The following EIF2A variants were observed in gnomAD, a reference collection of about 807,000 sequenced individuals.
EIF2A encodes 65 kDa eukaryotic translation initiation factor 2A.
In EIF2A, 62 loss-of-function variants were observed where a neutral mutation model predicts 75.2. That is an observed-to-expected ratio of 0.82 (90% confidence interval 0.67 to 1.02). EIF2A has a LOEUF of 1.02. Ranked by LOEUF, EIF2A falls within the 50% of genes least tolerant of loss-of-function variation. EIF2A has a pLI of 0.00. For missense variants in EIF2A, 611 were observed against 677.7 expected (o/e 0.90, Z 1.09); for synonymous variants, 207 against 239.0 (o/e 0.87, Z 1.23).
chr3:150,580,004 T>C (rs1559886677), intron 11 of EIF2A, among the ~76,000 whole-genome samples: 1 of 152,140 alleles, frequency 6.6e-6, no homozygotes, highest in Non-Finnish European at 1.5e-5. Context: ...GTCATAATTA[T>C]AAAGGAAGAG....
rs1209598834 is a variant in EIF2A at position 150,585,219 on chromosome 3, T to C, written c.*1308T>C. Among the ~76,000 whole-genome samples the C allele has an allele frequency of 6.6e-6, 1 of 152,134 alleles. No individual in the cohort carries two copies. Among genetic ancestry groups the C allele is most frequent in the Non-Finnish European group, 1.5e-5 (1 of 68,008 alleles). ...TATACTCACCATAGTGGTTCTGTAC[T>C]CCCTTAAAATATTCTGGAGGCCAGG... On this transcript the variant is annotated 3_prime_UTR_variant, in exon 14 of 14. Coordinates refer to ENST00000460851, the MANE Select transcript of EIF2A (RefSeq NM_032025.5).
rs775350419 is a variant in EIF2A, at chr3:150,572,071, G to T, written c.925G>T (p.Val309Leu). 1.3e-5 allele frequency: 21 copies of T among 1,613,806 alleles called. No individual in the cohort carries two copies. Among genetic ancestry groups the T allele is most frequent in the Non-Finnish European group, 1.8e-5 (21 of 1,179,910 alleles). The change falls in exon 10 of 14, where the codon GTA (valine) becomes TTA (leucine). Residue 309 changes from valine to leucine, a missense_variant. Val to Leu is a conservative substitution (Grantham distance 32). Coordinates refer to ENST00000460851, the MANE Select transcript of EIF2A (RefSeq NM_032025.5). ...ATIFNLKCDPVFDFGTGPRNA... is the reference protein window; with the variant it reads ...ATIFNLKCDPLFDFGTGPRNA... ...AATTTTCAACTTGAAATGTGATCCT[G>T]TATTTGACTTTGGAACTGGTCCTCG...
intron 3 of EIF2A, 109 bp from the exon 4 acceptor site, chr3:150,562,433 G>T: frequency 5.2e-6 from 4 of 776,300 alleles, no homozygotes; most frequent in Non-Finnish European, 7.7e-6. Flanking sequence ...AAAAAAAAAA[G>T]TCAACATTTT....
rs1725439144 is a variant in EIF2A at position 150,585,675 on chromosome 3, A to C, written c.*1764A>C. On this transcript the variant is annotated 3_prime_UTR_variant, in exon 14 of 14. Transcript: ENST00000460851. Reference sequence around the variant, plus strand: ...AATACATAATGCCTAATACATAACTAATATATGGACAGGAAGTTAATAGAC... The same window carrying C: ...AATACATAATGCCTAATACATAACTCATATATGGACAGGAAGTTAATAGAC... Among the ~76,000 whole-genome samples the C allele has an allele frequency of 6.6e-6, 1 of 152,214 alleles. No individual in the cohort carries two copies. Among genetic ancestry groups the C allele is most frequent in the Non-Finnish European group, 1.5e-5 (1 of 68,038 alleles).
intron 3 of EIF2A, among the ~76,000 whole-genome samples, chr3:150,560,716 C>CTTTTTTTTTTTTTTTT (rs71138455): frequency 1.7e-5 from 2 of 120,680 alleles, no homozygotes; most frequent in African/African-American, 3.0e-5. Context: ...GATGGAGAGT[C>CTTTTTTTTTTTTTTTT]TTTTTTTTTT....
At chr3:150,568,152 T>C in intron 8 of EIF2A, 24 bp from the exon 9 acceptor site, 1 of 1,605,716 alleles carries the variant, frequency 6.2e-7, no homozygotes. Flanking sequence ...GTTTTAAATC[T>C]AATTAAAGTT....
intron 2 of EIF2A, among the ~76,000 whole-genome samples, chr3:150,554,392 G>A (rs114992292): frequency 1.3e-5 from 2 of 152,230 alleles, no homozygotes; most frequent in East Asian, 1.9e-4. Flanking sequence ...TTTTATAGAC[G>A]AATTCCAGTT....
At chr3:150,559,613 C>T (rs1723745293) in intron 3 of EIF2A, among the ~76,000 whole-genome samples, 1 of 151,410 alleles carries the variant, frequency 6.6e-6, no homozygotes, top group African/African-American at 2.4e-5. Context: ...GCCTCAGCCT[C>T]CCCAGTAGCT....
intron 9 of EIF2A, among the ~76,000 whole-genome samples, chr3:150,571,661 C>G (rs562855463): frequency 1.3e-5 from 2 of 152,118 alleles, no homozygotes; most frequent in Middle Eastern, 3.4e-3. Context: ...TTTTGATTAC[C>G]ATCTGCACGT....
chr3:150,562,631 C>T lies in EIF2A; in HGVS notation c.263C>T (p.Thr88Ile). 5.6e-6 allele frequency: 9 copies of T among 1,613,268 alleles called. No homozygotes were observed. Among genetic ancestry groups the T allele is most frequent in the Non-Finnish European group, 7.6e-6 (9 of 1,179,502 alleles). Residue 88 changes from threonine (T) to isoleucine (I), a missense_variant, in exon 4 of 14, where the codon ACT (threonine) becomes ATT (isoleucine). Transcript: ENST00000460851. ...AVCLEFSPKN[T>I]VLATWQPYTT... Reference sequence around the variant, plus strand: ...TGCCTTGAATTCTCACCCAAAAATACTGTCCTGGCAACGTGGCAGCCTTAC... The same window carrying T: ...TGCCTTGAATTCTCACCCAAAAATATTGTCCTGGCAACGTGGCAGCCTTAC...
At chr3:150,574,368 G>T (rs1724740231) in intron 10 of EIF2A, among the ~76,000 whole-genome samples, 1 of 152,144 alleles carries the variant, frequency 6.6e-6, no homozygotes, top group East Asian at 1.9e-4. Flanking sequence ...AAGCGTGGAA[G>T]AGACTTGTAA....
At chr3:150,549,621 A>G (rs1723219876) in intron 1 of EIF2A, among the ~76,000 whole-genome samples, 1 of 152,126 alleles carries the variant, frequency 6.6e-6, no homozygotes, top group South Asian at 2.1e-4. Context: ...GAAAGAACAC[A>G]TTTTTGCCAG....
chr3:150,583,718 C>G (rs1725320731), intron 13 of EIF2A, 128 bp from the exon 14 acceptor site: 1 of 832,198 alleles, frequency 1.2e-6, no homozygotes, highest in Admixed American at 2.7e-5. Flanking sequence ...TGTTTCTAAC[C>G]TGTATTTTAA....
At chr3:150,575,087 A>C (rs1224718499) in intron 10 of EIF2A, among the ~76,000 whole-genome samples, 1 of 152,196 alleles carries the variant, frequency 6.6e-6, no homozygotes, top group East Asian at 1.9e-4. Context: ...CTGACAAGCC[A>C]TGTAATTTTT....
At chr3:150,551,565 T>C (rs1723314903) in intron 1 of EIF2A, among the ~76,000 whole-genome samples, 1 of 125,624 alleles carries the variant, frequency 8.0e-6, no homozygotes, top group Non-Finnish European at 1.7e-5. Context: ...ACTCTGTCTC[T>C]ACAAAAAAAA....
At chr3:150,583,148 C>T in intron 12 of EIF2A, 52 bp from the exon 13 acceptor site, 1 of 1,515,104 alleles carries the variant, frequency 6.6e-7, no homozygotes, top group Non-Finnish European at 9.0e-7. Flanking sequence ...AGGAAATTTG[C>T]ATTTGAAGTG....
intron 3 of EIF2A, 75 bp from the exon 4 acceptor site, chr3:150,562,467 G>C: frequency 1.8e-6 from 2 of 1,095,260 alleles, no homozygotes; most frequent in Non-Finnish European, 2.6e-6. Context: ...TTTGAAAAGA[G>C]GTATGAATGT....
chr3:150,567,948 GATTAT>G lies in EIF2A; in HGVS notation c.599_603del (p.Leu200SerfsTer14). ...AGTAAAGGTGCACCTTCATTTGTTAGATTATATCAGTACCCCAACTTTGCTGGACC... is the reference window on the plus strand; with the variant it reads ...AGTAAAGGTGCACCTTCATTTGTTAGATCAGTACCCCAACTTTGCTGGACC... On this transcript the variant is annotated frameshift_variant, in exon 8 of 14. Coordinates refer to ENST00000460851, the MANE Select transcript of EIF2A (RefSeq NM_032025.5). LOFTEE classifies it high-confidence loss of function. 1 of 1,613,248 alleles carries G rather than the reference GATTAT, an allele frequency of 6.2e-7. No individual in the cohort carries two copies. Among genetic ancestry groups the G allele is most frequent in the South Asian group, 1.1e-5 (1 of 90,928 alleles).
intron 6 of EIF2A, 191 bp from the exon 7 acceptor site, chr3:150,567,502 G>T: frequency 2.0e-6 from 1 of 500,114 alleles, no homozygotes; most frequent in Non-Finnish European, 3.6e-6. Flanking sequence ...TGACTGAGTA[G>T]AAATTGAAGC....
Sources: gnomAD v4.1 joint callset for allele counts (sites outside exome capture counted in the v4.1 genomes callset) on GRCh38, gnomAD v4.1.1 for gene constraint, MANE v1.5 for transcripts, NCBI Gene and HGNC (gene_info 2026-07-23, HGNC 2026-07-21) for gene names.